The following PHACTR3 variants were observed in gnomAD, a reference collection of about 807,000 sequenced individuals.
PHACTR3 encodes phosphatase and actin regulator 3, also known as protein phosphatase 1, regulatory subunit 123.
PHACTR3 carries 16 observed loss-of-function variants against 66.8 expected under a neutral mutation model. The ratio of observed to expected loss-of-function variants is 0.24; its 90% CI spans 0.16 to 0.36. The LOEUF is 0.36. Among genes scored for constraint, PHACTR3 ranks in the 10% least tolerant of loss-of-function variants. PHACTR3 has a pLI of 1.00. For synonymous variants in PHACTR3, 323 were observed against 292.1 expected, an observed-to-expected ratio of 1.11 and a Z score of -1.08; for missense variants, 647 against 719.9, an observed-to-expected ratio of 0.90 and a Z score of 1.16.
chr20:59,609,206 C>A (rs987951747), intron 1 of PHACTR3, among the ~76,000 whole-genome samples: 5 of 152,314 alleles, frequency 3.3e-5, no homozygotes, highest in Admixed American at 2.6e-4. Context: ...AGCATCCTCT[C>A]CTGTCATGAG....
intron 1 of PHACTR3, among the ~76,000 whole-genome samples, chr20:59,699,998 T>G (rs2037438410): frequency 6.6e-6 from 1 of 152,190 alleles, no homozygotes; most frequent in South Asian, 2.1e-4. Flanking sequence ...AAAAGTTAAG[T>G]TTGCATACTA....
chr20:59,845,039 T>A, intron 11 of PHACTR3, 150 bp from the exon 12 acceptor site: 1 of 554,050 alleles, frequency 1.8e-6, no homozygotes. Context: ...GTATGGCAGT[T>A]TTAATGATGA....
At chr20:59,750,723 T>A (rs190002089) in intron 3 of PHACTR3, among the ~76,000 whole-genome samples, 2 of 152,132 alleles carry the variant, frequency 1.3e-5, no homozygotes, top group African/African-American at 4.8e-5. Context: ...CAGGGAAATA[T>A]CAGGGACCGG....
At chr20:59,686,806 G>GTGATGATGGTGT in intron 1 of PHACTR3, among the ~76,000 whole-genome samples, 1 of 141,596 alleles carries the variant, frequency 7.1e-6, no homozygotes, top group Non-Finnish European at 1.5e-5. Flanking sequence ...GGTGATGATT[G>GTGATGATGGTGT]TGATGATGAT....
intron 3 of PHACTR3, among the ~76,000 whole-genome samples, chr20:59,753,344 T>G (rs1210412126): frequency 1.3e-5 from 2 of 152,092 alleles, no homozygotes; most frequent in African/African-American, 4.8e-5. Flanking sequence ...GACCTTTTCA[T>G]TCTCCCCGGA....
chr20:59,688,959 C>T (rs999900438), intron 1 of PHACTR3, among the ~76,000 whole-genome samples: 2 of 152,090 alleles, frequency 1.3e-5, no homozygotes, highest in African/African-American at 4.8e-5. Flanking sequence ...TGGTGGTGCT[C>T]ATATCTCAGG....
chr20:59,806,012 TCTC>T (rs768657832), intron 7 of PHACTR3, 26 bp from the exon 8 acceptor site: 5 of 1,603,820 alleles, frequency 3.1e-6, no homozygotes, highest in Admixed American at 1.7e-5. Context: ...TGTTCCCTTC[TCTC>T]CTCTTGCCCT....
chr20:59,841,862 T>G (rs2059069224), intron 11 of PHACTR3, among the ~76,000 whole-genome samples: 1 of 152,090 alleles, frequency 6.6e-6, no homozygotes, highest in Non-Finnish European at 1.5e-5. Flanking sequence ...AACAAAGGAT[T>G]ATCTAGTACC....
chr20:59,608,845 A>AAC (rs2033757010), intron 1 of PHACTR3, among the ~76,000 whole-genome samples: 1 of 152,098 alleles, frequency 6.6e-6, no homozygotes. Flanking sequence ...GGCACTCTTC[A>AAC]ACACCTGGGG....
chr20:59,719,867 A>G (rs1304573519), intron 1 of PHACTR3, among the ~76,000 whole-genome samples: 3 of 152,230 alleles, frequency 2.0e-5, no homozygotes, highest in Non-Finnish European at 2.9e-5. Flanking sequence ...GCCTAAGGTC[A>G]TAGGCCAGGA....
chr20:59,660,162 C>G (rs1238741433), intron 1 of PHACTR3, among the ~76,000 whole-genome samples: 1 of 152,168 alleles, frequency 6.6e-6, no homozygotes, highest in Non-Finnish European at 1.5e-5. Context: ...CTTGCTTTAC[C>G]TCCAGGAAGA....
intron 3 of PHACTR3, 103 bp downstream of exon 3, chr20:59,747,938 C>A: frequency 8.2e-7 from 1 of 1,214,736 alleles, no homozygotes; most frequent in Non-Finnish European, 1.2e-6. Flanking sequence ...GTGTAGAATC[C>A]AAGGAGGGCC....
intron 7 of PHACTR3, among the ~76,000 whole-genome samples, chr20:59,784,385 G>A (rs1187340680): frequency 1.3e-5 from 2 of 152,124 alleles, no homozygotes; most frequent in Non-Finnish European, 1.5e-5. Flanking sequence ...ATATGTATAT[G>A]TGTGTGTGGT....
At chr20:59,768,936 T>A (rs1030691039) in intron 5 of PHACTR3, among the ~76,000 whole-genome samples, 6 of 152,258 alleles carry the variant, frequency 3.9e-5, no homozygotes, top group African/African-American at 1.4e-4. Context: ...GATGTGGGGC[T>A]GTGGTGCCCT....
intron 9 of PHACTR3, among the ~76,000 whole-genome samples, chr20:59,840,059 GACACAGAGGTGTCTACT>G: frequency 6.6e-6 from 1 of 152,268 alleles, no homozygotes. Context: ...GAGAAAGACA[GACACAGAGGTGTCTACT>G]TCCTTAAACA....
chr20:59,623,007 A>G (rs920915221), intron 1 of PHACTR3, among the ~76,000 whole-genome samples: 30 of 145,734 alleles, frequency 2.1e-4, no homozygotes, highest in East Asian at 1.6e-3. Context: ...AAAAACCCAA[A>G]TCTTCAGCAA....
intron 8 of PHACTR3, among the ~76,000 whole-genome samples, chr20:59,833,166 G>A (rs981425258): frequency 6.6e-6 from 1 of 152,200 alleles, no homozygotes; most frequent in African/African-American, 2.4e-5. Context: ...GTGCCTCCGG[G>A]GCTGTGTCTA....
At position 59,832,674 on chromosome 20, in the gene PHACTR3, T is replaced by C. The variant is rs117417433; in HGVS notation, c.1329-3831T>C. 9.2e-4 allele frequency among the ~76,000 whole-genome samples: 140 copies of C among 152,136 alleles called. 1 individual carries two copies. The East Asian group carries it at 0.025, about 27-fold the overall frequency. On this transcript the variant is annotated intron_variant, in intron 8 of 12. Coordinates refer to ENST00000371015, the MANE Select transcript of PHACTR3 (RefSeq NM_080672.5). ...CAGTGCCGCTCTGGGGTTCCAGGAG[T>C]GAATCCAGACTCTCTCTCCAGCGAT...
chr20:59,742,898 C>T (rs1029111513), intron 1 of PHACTR3, among the ~76,000 whole-genome samples: 1 of 152,172 alleles, frequency 6.6e-6, no homozygotes, highest in Non-Finnish European at 1.5e-5. Flanking sequence ...GAGTGGGTCG[C>T]AGGAGGGAGG....
Sources: gnomAD v4.1 joint callset for allele counts (sites outside exome capture counted in the v4.1 genomes callset) on GRCh38, gnomAD v4.1.1 for gene constraint, MANE v1.5 for transcripts, NCBI Gene and HGNC (gene_info 2026-07-23, HGNC 2026-07-21) for gene names.